C1orf21: variants seen among roughly 807,000 people sequenced by gnomAD.
The protein encoded by C1orf21 is chromosome 1 open reading frame 21.
A neutral mutation model predicts 18.7 loss-of-function variants in C1orf21; 3 were observed. The ratio of observed to expected loss-of-function variants is 0.16; its 90% CI spans 0.07 to 0.42. C1orf21 has a LOEUF of 0.42. Among genes scored for constraint, C1orf21 ranks in the 10% least tolerant of loss-of-function variants. The pLI, the probability that C1orf21 is intolerant of heterozygous loss-of-function variation, is 0.99. For synonymous variants in C1orf21, 41 were observed against 46.4 expected (o/e 0.88, Z 0.47); for missense variants, 104 against 143.6 (o/e 0.72, Z 1.41).
intron 3 of C1orf21, among the ~76,000 whole-genome samples, chr1:184,563,141 A>G (rs1393875803): frequency 6.6e-6 from 1 of 152,228 alleles, no homozygotes; most frequent in Non-Finnish European, 1.5e-5. Flanking sequence ...CCTCTATATT[A>G]GAGATTCTGT....
intron 3 of C1orf21, among the ~76,000 whole-genome samples, chr1:184,514,970 A>G (rs1658202660): frequency 6.6e-6 from 1 of 152,222 alleles, no homozygotes; most frequent in South Asian, 2.1e-4. Flanking sequence ...ATGTATCCCA[A>G]ATTACTAACA....
intron 3 of C1orf21, among the ~76,000 whole-genome samples, chr1:184,581,854 A>G (rs368445467): frequency 3.7e-4 from 56 of 152,378 alleles, no homozygotes; most frequent in Middle Eastern, 6.8e-3. Context: ...TTGATATAAA[A>G]TGAGATACAT....
chr1:184,524,307 A>T (rs149686968), intron 3 of C1orf21, among the ~76,000 whole-genome samples: 31 of 152,276 alleles, frequency 2.0e-4, no homozygotes, highest in African/African-American at 7.5e-4. Flanking sequence ...ATCTAGAAAA[A>T]AATTAGAACT....
At chr1:184,443,682 A>G (rs897030972) in intron 1 of C1orf21, among the ~76,000 whole-genome samples, 11 of 152,286 alleles carry the variant, frequency 7.2e-5, no homozygotes, top group African/African-American at 2.4e-4. Flanking sequence ...ATTCACATCT[A>G]TCCTCCCTCA....
chr1:184,496,571 G>C (rs1283917923), intron 2 of C1orf21, among the ~76,000 whole-genome samples: 1 of 152,136 alleles, frequency 6.6e-6, no homozygotes, highest in Non-Finnish European at 1.5e-5. Flanking sequence ...CAAATAAGAG[G>C]AATATTGGAC....
chr1:184,562,201 A>G (rs752875007), intron 3 of C1orf21, among the ~76,000 whole-genome samples: 1 of 152,232 alleles, frequency 6.6e-6, no homozygotes, highest in African/African-American at 2.4e-5. Context: ...GTGTTCCAGC[A>G]GCTGTCAGAT....
chr1:184,581,232 G>T lies in C1orf21; in HGVS notation c.190-9507G>T, dbSNP rs147694785. Among the ~76,000 whole-genome samples, 473 of 152,260 alleles carry T rather than the reference G, an allele frequency of 3.1e-3. 2 individuals are homozygous for T. The highest frequency in any genetic ancestry group is 0.011 in the African/African-American group (440 of 41,532). On this transcript the variant is annotated intron_variant, in intron 3 of 5. Transcript: ENST00000235307. ...ACCTGAGGTTGGGAGTTCCAGACCA[G>T]CCTGACCAATATGGTGAAACCCCAT...
intron 4 of C1orf21, among the ~76,000 whole-genome samples, chr1:184,591,926 T>G (rs752122527): frequency 2.6e-5 from 4 of 152,096 alleles, no homozygotes; most frequent in Non-Finnish European, 5.9e-5. Flanking sequence ...TGGAGGAATC[T>G]CATAAGGATG....
At chr1:184,577,320 TG>T (rs1240373567) in intron 3 of C1orf21, among the ~76,000 whole-genome samples, 2 of 151,880 alleles carry the variant, frequency 1.3e-5, no homozygotes, top group East Asian at 3.9e-4. Context: ...AAAGGAGCTA[TG>T]GACCGAGGCG....
At chr1:184,517,589 T>G (rs1313435098) in intron 3 of C1orf21, among the ~76,000 whole-genome samples, 1 of 152,160 alleles carries the variant, frequency 6.6e-6, no homozygotes, top group Non-Finnish European at 1.5e-5. Flanking sequence ...GTACTACTTC[T>G]CTTCTCACTC....
At position 184,628,349 on chromosome 1, in the gene C1orf21, C is replaced by T. The variant is rs974242364; in HGVS notation, c.*8793C>T. 2.0e-5 allele frequency: 3 copies of T among 152,212 alleles called. No homozygotes were observed. Among genetic ancestry groups the T allele is most frequent in the African/African-American group, 7.2e-5 (3 of 41,448 alleles). 9.4% of individuals were successfully genotyped at this position (152,212 alleles called of 1,614,324 possible). ...TTATAAAAAGTATACAGCATAGAAA[C>T]TTTAAATGAATAAGACACAAAATAT... is the stretch of plus-strand genomic sequence containing the variant. On this transcript the variant is annotated 3_prime_UTR_variant, in exon 6 of 6. Coordinates refer to ENST00000235307, the MANE Select transcript of C1orf21 (RefSeq NM_030806.4).
chr1:184,559,476 C>CTCCT (rs541806211), intron 3 of C1orf21, among the ~76,000 whole-genome samples: 18 of 126,586 alleles, frequency 1.4e-4, no homozygotes, highest in African/African-American at 4.0e-4. Flanking sequence ...TCTCCTTTCC[C>CTCCT]TCCTTCCTTC....
chr1:184,450,252 CCACA>C (rs1388037180), intron 1 of C1orf21, among the ~76,000 whole-genome samples: 1 of 152,106 alleles, frequency 6.6e-6, no homozygotes, highest in Non-Finnish European at 1.5e-5. Flanking sequence ...GAGCACGCCA[CCACA>C]CTGAATGCAG....
intron 2 of C1orf21, among the ~76,000 whole-genome samples, chr1:184,496,853 G>C (rs2101958927): frequency 6.6e-6 from 1 of 152,302 alleles, no homozygotes; most frequent in African/African-American, 2.4e-5. Context: ...AAAAGTTCTA[G>C]AAATTACTGC....
chr1:184,472,758 TA>T (rs753922060), intron 1 of C1orf21, among the ~76,000 whole-genome samples: 8 of 152,186 alleles, frequency 5.3e-5, no homozygotes, highest in Non-Finnish European at 1.0e-4. Context: ...TTCATGTGTG[TA>T]ATATGTGATA....
At chr1:184,590,704 C>T in intron 3 of C1orf21, 35 bp from the exon 4 acceptor site, 1 of 1,564,926 alleles carries the variant, frequency 6.4e-7, no homozygotes. Flanking sequence ...GGATTCTAAT[C>T]CTGTCTTTCA....
At chr1:184,609,527 A>C (rs1659697456) in intron 5 of C1orf21, among the ~76,000 whole-genome samples, 1 of 152,206 alleles carries the variant, frequency 6.6e-6, no homozygotes, top group Non-Finnish European at 1.5e-5. Context: ...AAAGGAAGTG[A>C]ATCCTGGGGG....
chr1:184,425,298 C>T (rs1027584491), intron 1 of C1orf21, among the ~76,000 whole-genome samples: 5 of 150,130 alleles, frequency 3.3e-5, no homozygotes, highest in Admixed American at 2.0e-4. Flanking sequence ...GACAAGGTCT[C>T]GTTCTGGCAC....
intron 1 of C1orf21, among the ~76,000 whole-genome samples, chr1:184,475,367 A>G (rs190000635): frequency 2.8e-4 from 42 of 152,084 alleles, no homozygotes; most frequent in African/African-American, 9.9e-4. Context: ...GACCCCTCTG[A>G]AATGAACACA....
Sources: gnomAD v4.1 joint callset for allele counts (sites outside exome capture counted in the v4.1 genomes callset) on GRCh38, gnomAD v4.1.1 for gene constraint, MANE v1.5 for transcripts, NCBI Gene and HGNC (gene_info 2026-07-23, HGNC 2026-07-21) for gene names.